Variants in CTNNA2 observed in about 807,000 individuals in gnomAD.
The protein encoded by CTNNA2 is catenin alpha-2.
CTNNA2 carries 42 observed loss-of-function variants against 101.0 expected under a neutral mutation model. That is an observed-to-expected ratio of 0.42 (90% CI 0.32 to 0.54). The LOEUF (loss-of-function observed/expected upper bound fraction) is 0.54. CTNNA2 is among the 20% of genes least tolerant of loss of function. The probability of loss-of-function intolerance (pLI) is 0.14; values close to 1 mark genes in which losing one functional copy is unlikely to be tolerated. For missense variants in CTNNA2, 871 were observed against 1,223.1 expected (o/e 0.71, Z 4.29); for synonymous variants, 450 against 456.4 (o/e 0.99, Z 0.18).
intron 7 of CTNNA2, among the ~76,000 whole-genome samples, chr2:80,377,955 G>A (rs1214206419): frequency 6.6e-6 from 1 of 152,170 alleles, no homozygotes; most frequent in Admixed American, 6.5e-5. Flanking sequence ...ACTTTATTGA[G>A]TACAAGGGAA....
At chr2:79,957,078 T>C (rs1689292515) in intron 7 of CTNNA2, among the ~76,000 whole-genome samples, 1 of 151,886 alleles carries the variant, frequency 6.6e-6, no homozygotes, top group Non-Finnish European at 1.5e-5. Context: ...GAGAAGCCCC[T>C]GAGAGATAGG....
intron 7 of CTNNA2, among the ~76,000 whole-genome samples, chr2:80,390,526 C>T (rs547237525): frequency 5.3e-5 from 8 of 152,326 alleles, no homozygotes; most frequent in Admixed American, 2.0e-4. Context: ...GCCTCCCAAA[C>T]GTGTCTGTAG....
intron 3 of CTNNA2, among the ~76,000 whole-genome samples, chr2:79,805,450 C>A (rs1237024541): frequency 1.3e-5 from 2 of 152,106 alleles, no homozygotes; most frequent in Non-Finnish European, 2.9e-5. Context: ...GTGAAATTTT[C>A]CACATGTGGC....
intron 1 of CTNNA2, among the ~76,000 whole-genome samples, chr2:79,617,793 C>G (rs1678722454): frequency 6.6e-6 from 1 of 152,106 alleles, no homozygotes; most frequent in African/African-American, 2.4e-5. Context: ...TTCCCTGAGG[C>G]CATCAGGTGC....
chr2:80,528,876 T>C (rs1363395439), intron 9 of CTNNA2, among the ~76,000 whole-genome samples: 1 of 152,146 alleles, frequency 6.6e-6, no homozygotes, highest in East Asian at 1.9e-4. Flanking sequence ...CTTCAGTCCC[T>C]GAGGACAGAT....
chr2:80,211,551 G>A (rs1044106420), intron 7 of CTNNA2, among the ~76,000 whole-genome samples: 8 of 152,026 alleles, frequency 5.3e-5, no homozygotes, highest in African/African-American at 1.4e-4. Context: ...ATTTATGAGG[G>A]CTCTATTCTG....
At chr2:79,559,428 A>G (rs1296862091) in intron 1 of CTNNA2, among the ~76,000 whole-genome samples, 1 of 151,960 alleles carries the variant, frequency 6.6e-6, no homozygotes, top group Non-Finnish European at 1.5e-5. Context: ...CACTGATGAA[A>G]GTGAGAAATA....
intron 7 of CTNNA2, among the ~76,000 whole-genome samples, chr2:80,199,145 C>A (rs1264018431): frequency 8.1e-6 from 1 of 123,988 alleles, no homozygotes; most frequent in African/African-American, 3.1e-5. Flanking sequence ...TGTGCCATTG[C>A]ACTCCAGCCT....
intron 1 of CTNNA2, among the ~76,000 whole-genome samples, chr2:79,565,406 A>G (rs1241019182): frequency 1.3e-5 from 2 of 151,964 alleles, no homozygotes; most frequent in African/African-American, 4.8e-5. Flanking sequence ...ACCCCAGTGC[A>G]CACTCCTCTC....
chr2:79,758,494 C>T (rs777733280), intron 3 of CTNNA2, among the ~76,000 whole-genome samples: 12 of 152,050 alleles, frequency 7.9e-5, no homozygotes, highest in Non-Finnish European at 1.2e-4. Context: ...GGTTTGTTAC[C>T]TGGTTATATT....
intron 7 of CTNNA2, among the ~76,000 whole-genome samples, chr2:80,263,761 A>C (rs1380939368): frequency 6.6e-6 from 1 of 152,246 alleles, no homozygotes; most frequent in African/African-American, 2.4e-5. Flanking sequence ...TTATTATCAT[A>C]GAAGTTTCTA....
chr2:79,861,498 C>A (rs1054170327), intron 4 of CTNNA2, among the ~76,000 whole-genome samples: 1 of 152,096 alleles, frequency 6.6e-6, no homozygotes, highest in African/African-American at 2.4e-5. Flanking sequence ...CTGCTGAGGT[C>A]GTGTGGTTTG....
intron 8 of CTNNA2, among the ~76,000 whole-genome samples, chr2:80,405,203 G>C (rs527501811): frequency 1.3e-5 from 2 of 152,138 alleles, no homozygotes; most frequent in South Asian, 4.1e-4. Flanking sequence ...CAGTTTTTTA[G>C]TGTCCATTCT....
intron 7 of CTNNA2, among the ~76,000 whole-genome samples, chr2:80,067,632 T>C (rs1698070899): frequency 6.6e-6 from 1 of 152,168 alleles, no homozygotes; most frequent in South Asian, 2.1e-4. Context: ...CAAATAAATG[T>C]CAAGATATTC....
rs1558697694 is a variant in CTNNA2 at position 79,982,276 on chromosome 2, T to TAA, written c.1056+72480_1056+72481dup. Among the ~76,000 whole-genome samples, 43 of 136,066 alleles carry TAA rather than the reference T, an allele frequency of 3.2e-4. 1 individual carries two copies. Among genetic ancestry groups the TAA allele is most frequent in the African/African-American group, 1.1e-3 (40 of 35,308 alleles). 89.3% of individuals were successfully genotyped at this position (136,066 alleles called of 152,430 possible). A position where few individuals can be genotyped will look rare whatever the true frequency, so the allele number is the denominator to read the frequency against. Reference sequence around the variant, plus strand: ...TGTACACACACACATAACATATATATAATATATATAACATATATAACATAT... The same window carrying TAA: ...TGTACACACACACATAACATATATATAAAATATATATAACATATATAACATAT... On this transcript the variant is annotated intron_variant, in intron 7 of 18. Transcript: ENST00000402739.
At chr2:79,589,895 G>T (rs777127449) in intron 1 of CTNNA2, among the ~76,000 whole-genome samples, 2 of 152,164 alleles carry the variant, frequency 1.3e-5, no homozygotes, top group Admixed American at 6.5e-5. Flanking sequence ...AAAATGTTCA[G>T]CCTAAAAATT....
At chr2:79,768,276 C>CCAGGCA (rs1443988521) in intron 3 of CTNNA2, among the ~76,000 whole-genome samples, 2 of 151,394 alleles carry the variant, frequency 1.3e-5, no homozygotes, top group East Asian at 4.1e-4. Context: ...CTTCAGTGAT[C>CCAGGCA]CAGGAGTTTT....
intron 3 of CTNNA2, among the ~76,000 whole-genome samples, chr2:79,334,605 G>A (rs1158628579): frequency 1.3e-5 from 2 of 151,742 alleles, no homozygotes; most frequent in East Asian, 1.9e-4. Flanking sequence ...AAGGAAGAAA[G>A]AGAAGAATAA....
chr2:79,415,453 C>T (rs193222722), intron 4 of CTNNA2, among the ~76,000 whole-genome samples: 44 of 152,218 alleles, frequency 2.9e-4, no homozygotes, highest in Admixed American at 6.6e-4. Context: ...CAAGAATAAA[C>T]TAATACACTC....
Sources: gnomAD v4.1 joint callset for allele counts (sites outside exome capture counted in the v4.1 genomes callset) on GRCh38, gnomAD v4.1.1 for gene constraint, MANE v1.5 for transcripts, NCBI Gene and HGNC (gene_info 2026-07-23, HGNC 2026-07-21) for gene names.